LRP1B: variants seen among roughly 807,000 people sequenced by gnomAD.
The protein encoded by LRP1B is LDL receptor related protein 1B, also known as low-density lipoprotein receptor-related protein 1B.
LRP1B carries 217 observed loss-of-function variants against 556.6 expected under a neutral mutation model. The observed-to-expected ratio is 0.39, with a 90% CI of 0.35 to 0.44. The LOEUF (loss-of-function observed/expected upper bound fraction) is 0.44. LRP1B is among the 20% of genes least tolerant of loss of function. LRP1B has a pLI of 1.00. For synonymous variants in LRP1B, 2,047 were observed against 1,865.8 expected (o/e 1.10, Z -2.50); for missense variants, 5,053 against 5,620.8 (o/e 0.90, Z 3.23).
chr2:141,777,706 C>T (rs1032631831), intron 2 of LRP1B, among the ~76,000 whole-genome samples: 5 of 152,080 alleles, frequency 3.3e-5, no homozygotes, highest in East Asian at 3.9e-4. Context: ...TGAGCCACCG[C>T]GCCCAGCCAA....
rs1684744419 is a variant in LRP1B at position 141,527,928 on chromosome 2, A to T, written c.206-47395T>A. On this transcript the variant is annotated intron_variant, in intron 2 of 90. Transcript: ENST00000389484. Reference sequence around the variant, plus strand: ...CATAGTTGTATGTAATTTATATAATACGCCTCCTACATGTTTTCCTCTGTG... The same window carrying T: ...CATAGTTGTATGTAATTTATATAATTCGCCTCCTACATGTTTTCCTCTGTG... Among the ~76,000 whole-genome samples, 9 of 152,074 alleles carry T rather than the reference A, an allele frequency of 5.9e-5. No homozygotes were observed. The South Asian group carries it at 1.9e-3, about 31-fold the overall frequency.
At chr2:140,513,758 G>A (rs1689764240) in intron 51 of LRP1B, among the ~76,000 whole-genome samples, 1 of 152,022 alleles carries the variant, frequency 6.6e-6, no homozygotes, top group African/African-American at 2.4e-5. Flanking sequence ...TAAAAGAGGT[G>A]TTAAGTATAC....
intron 1 of LRP1B, among the ~76,000 whole-genome samples, chr2:141,826,991 C>A (rs1265888642): frequency 6.6e-6 from 1 of 152,158 alleles, no homozygotes; most frequent in African/African-American, 2.4e-5. Context: ...TAAGGACAGG[C>A]AAATTTTGAG....
In LRP1B at chr2:141,174,959, G is replaced by T. The variant is rs139204727; in HGVS notation, c.1013+13462C>A. ...GGAACTTACTGGGAACTAGAGTAAAGATCACTCTTGCTATTCTTTAGCAAA... is the reference window on the plus strand; with the variant it reads ...GGAACTTACTGGGAACTAGAGTAAATATCACTCTTGCTATTCTTTAGCAAA... On this transcript the variant is annotated intron_variant, in intron 7 of 90. Coordinates refer to ENST00000389484, the MANE Select transcript of LRP1B (RefSeq NM_018557.3). Among the ~76,000 whole-genome samples the T allele has an allele frequency of 4.7e-3, 723 of 152,244 alleles. 6 individuals carry two copies. Among genetic ancestry groups the T allele is most frequent in the African/African-American group, 0.017 (694 of 41,564 alleles).
intron 32 of LRP1B, among the ~76,000 whole-genome samples, chr2:140,799,944 G>A (rs766371433): frequency 2.0e-4 from 31 of 152,162 alleles, no homozygotes; most frequent in Non-Finnish European, 3.4e-4. Flanking sequence ...AGCATGAGCT[G>A]AAGCAGGGTG....
At chr2:141,538,611 G>C (rs1300227419) in intron 2 of LRP1B, among the ~76,000 whole-genome samples, 1 of 150,034 alleles carries the variant, frequency 6.7e-6, no homozygotes, top group Non-Finnish European at 1.5e-5. Flanking sequence ...TCATAGGTTA[G>C]AGAAAAAGAC....
At chr2:140,945,657 T>C (rs980748682) in intron 20 of LRP1B, among the ~76,000 whole-genome samples, 47 of 152,196 alleles carry the variant, frequency 3.1e-4, no homozygotes, top group African/African-American at 9.4e-4. Flanking sequence ...GCTAACCATA[T>C]GCAGAAGAAT....
intron 6 of LRP1B, among the ~76,000 whole-genome samples, chr2:141,226,124 C>CCAA (rs1553479116): frequency 4.6e-5 from 7 of 150,884 alleles, no homozygotes; most frequent in Non-Finnish European, 8.8e-5. Flanking sequence ...TTTTCCCCCC[C>CCAA]AAAAAAAACC....
chr2:140,621,196 A>G (rs1418801348), intron 41 of LRP1B, among the ~76,000 whole-genome samples: 1 of 151,512 alleles, frequency 6.6e-6, no homozygotes, highest in Admixed American at 6.6e-5. Context: ...CCTGGCTAAC[A>G]CGGTGAAACC....
intron 7 of LRP1B, among the ~76,000 whole-genome samples, chr2:141,153,811 A>G (rs1298986283): frequency 6.6e-6 from 1 of 150,970 alleles, no homozygotes; most frequent in Non-Finnish European, 1.5e-5. Flanking sequence ...AGAAATAAGG[A>G]TTCCTGTTTA....
chr2:141,709,814 A>G (rs1171345638), intron 2 of LRP1B, among the ~76,000 whole-genome samples: 2 of 152,086 alleles, frequency 1.3e-5, no homozygotes, highest in East Asian at 1.9e-4. Flanking sequence ...TTGTGTTGCT[A>G]TGGAATACCA....
intron 1 of LRP1B, among the ~76,000 whole-genome samples, chr2:142,084,225 G>T (rs984817848): frequency 6.6e-6 from 1 of 151,990 alleles, no homozygotes; most frequent in African/African-American, 2.4e-5. Flanking sequence ...CAGGTGATCC[G>T]CCCACCTTGG....
intron 43 of LRP1B, among the ~76,000 whole-genome samples, chr2:140,554,930 A>G (rs1311719669): frequency 6.6e-6 from 1 of 151,120 alleles, no homozygotes; most frequent in Non-Finnish European, 1.5e-5. Context: ...TTATTTGCGT[A>G]TGTACACAAA....
At chr2:142,059,423 T>G (rs115630773) in intron 1 of LRP1B, among the ~76,000 whole-genome samples, 6,588 of 152,220 alleles carry the variant, frequency 0.043, 230 homozygotes, top group Non-Finnish European at 0.058. Flanking sequence ...AGTTTATGTT[T>G]AAGTGACCAT....
intron 43 of LRP1B, among the ~76,000 whole-genome samples, chr2:140,570,816 C>A (rs915804320): frequency 5.3e-5 from 8 of 151,722 alleles, no homozygotes; most frequent in African/African-American, 1.9e-4. Context: ...AAAGATCATT[C>A]ACCACGATCA....
At chr2:141,833,877 AC>A (rs1473564132) in intron 1 of LRP1B, among the ~76,000 whole-genome samples, 1 of 149,150 alleles carries the variant, frequency 6.7e-6, no homozygotes, top group Non-Finnish European at 1.5e-5. Flanking sequence ...CTAAGAAAGA[AC>A]ATCTTTGAGT....
rs1434544067 is a variant in LRP1B, at chr2:141,055,822, G to A, written c.1409-563C>T. Among the ~76,000 whole-genome samples, 6 of 151,540 alleles carry A rather than the reference G, an allele frequency of 4.0e-5. No individual in the cohort carries two copies. The East Asian group carries it at 9.8e-4, about 25-fold the overall frequency. ...ACAAAATGTGTGTGTGTGTGTGTGT[G>A]TGTGTGTGTGTGTGTAGTTGTCAAA... On this transcript the variant is annotated intron_variant, in intron 9 of 90. Coordinates refer to ENST00000389484, the MANE Select transcript of LRP1B (RefSeq NM_018557.3).
intron 66 of LRP1B, among the ~76,000 whole-genome samples, chr2:140,432,138 T>A (rs1685972651): frequency 6.6e-6 from 1 of 150,638 alleles, no homozygotes; most frequent in African/African-American, 2.4e-5. Context: ...GATGACATTA[T>A]CTTCTGAAAT....
chr2:141,935,900 C>A (rs1355688974), intron 1 of LRP1B, among the ~76,000 whole-genome samples: 1 of 152,186 alleles, frequency 6.6e-6, no homozygotes, highest in Non-Finnish European at 1.5e-5. Context: ...CCAGCCAAAG[C>A]AACATGAGAC....
Sources: gnomAD v4.1 joint callset for allele counts (sites outside exome capture counted in the v4.1 genomes callset) on GRCh38, gnomAD v4.1.1 for gene constraint, MANE v1.5 for transcripts, NCBI Gene and HGNC (gene_info 2026-07-23, HGNC 2026-07-21) for gene names.